Variants in MAGI2 observed in about 807,000 individuals in gnomAD.
MAGI2 encodes membrane associated guanylate kinase, WW and PDZ domain containing 2.
A neutral mutation model predicts 133.3 loss-of-function variants in MAGI2; 35 were observed. The observed-to-expected ratio is 0.26, with a 90% CI of 0.20 to 0.35. MAGI2 has a LOEUF of 0.35. Ranked by LOEUF, MAGI2 falls within the 10% of genes least tolerant of loss-of-function variation. The pLI is 1.00. For synonymous variants in MAGI2, 729 were observed against 710.6 expected (o/e 1.03, Z -0.41); for missense variants, 1,636 against 1,863.4 (o/e 0.88, Z 2.25).
intron 1 of MAGI2, among the ~76,000 whole-genome samples, chr7:79,011,924 C>CCTTCCTTCTTTCCTTT (rs1413880167): frequency 9.1e-5 from 11 of 121,284 alleles, no homozygotes; most frequent in African/African-American, 3.3e-4. Flanking sequence ...TTCCTTCCTT[C>CCTTCCTTCTTTCCTTT]CTTTCTTTCT....
chr7:78,101,558 GGATTAAA>G lies in MAGI2; in HGVS notation c.3568-22480_3568-22474del, dbSNP rs148181674. Among the ~76,000 whole-genome samples, 290 of 152,054 alleles carry G rather than the reference GGATTAAA, an allele frequency of 1.9e-3. 4 individuals are homozygous for G. In the East Asian group the frequency reaches 0.048, roughly 25 times the overall value. Reference sequence around the variant, plus strand: ...CCATACACATAAATCAACTCAAAATGGATTAAAGACTTAATTATAAAACCTGAAAATT... The same window carrying G: ...CCATACACATAAATCAACTCAAAATGGACTTAATTATAAAACCTGAAAATT... On this transcript the variant is annotated intron_variant, in intron 20 of 21. Coordinates refer to ENST00000354212, the MANE Select transcript of MAGI2 (RefSeq NM_012301.4).
intron 3 of MAGI2, among the ~76,000 whole-genome samples, chr7:78,562,551 G>A (rs560151530): frequency 1.8e-4 from 28 of 152,278 alleles, no homozygotes; most frequent in Middle Eastern, 3.4e-3. Context: ...ACAGTTGATG[G>A]TGATTTTAAG....
chr7:78,926,408 T>G (rs1799695548), intron 2 of MAGI2, among the ~76,000 whole-genome samples: 2 of 152,012 alleles, frequency 1.3e-5, no homozygotes, highest in African/African-American at 4.8e-5. Context: ...GCAGATTTGA[T>G]TCAGTGCAAA....
chr7:79,016,547 G>A (rs993986758), intron 1 of MAGI2, among the ~76,000 whole-genome samples: 1 of 152,106 alleles, frequency 6.6e-6, no homozygotes, highest in Non-Finnish European at 1.5e-5. Context: ...TCTCCCCTGA[G>A]TTGCTTTGCT....
chr7:79,422,345 G>A (rs1847024541), intron 1 of MAGI2, among the ~76,000 whole-genome samples: 1 of 151,848 alleles, frequency 6.6e-6, no homozygotes, highest in Non-Finnish European at 1.5e-5. Context: ...TAATCCAAAT[G>A]CAAATCATGA....
intron 6 of MAGI2, among the ~76,000 whole-genome samples, chr7:78,477,482 A>G (rs983336078): frequency 2.0e-5 from 3 of 151,970 alleles, no homozygotes; most frequent in African/African-American, 4.8e-5. Context: ...TATAAAGGAG[A>G]GAGGTTTAAC....
intron 6 of MAGI2, among the ~76,000 whole-genome samples, chr7:78,454,917 G>C (rs1190102642): frequency 6.6e-6 from 1 of 152,148 alleles, no homozygotes. Flanking sequence ...AGGGAGAAGG[G>C]ATGAACGGGT....
chr7:78,655,906 G>C (rs1385961667), intron 2 of MAGI2, among the ~76,000 whole-genome samples: 1 of 150,808 alleles, frequency 6.6e-6, no homozygotes, highest in Non-Finnish European at 1.5e-5. Context: ...GCCTGAACCC[G>C]GGAGGCGGAG....
At chr7:78,445,260 T>A (rs1477788347) in intron 6 of MAGI2, among the ~76,000 whole-genome samples, 1 of 152,066 alleles carries the variant, frequency 6.6e-6, no homozygotes, top group Non-Finnish European at 1.5e-5. Flanking sequence ...TTTTGATTTT[T>A]AAAAATTTTA....
chr7:79,299,464 G>A (rs977259751), intron 1 of MAGI2, among the ~76,000 whole-genome samples: 1 of 139,478 alleles, frequency 7.2e-6, no homozygotes, highest in Non-Finnish European at 1.5e-5. Context: ...GCTGAGGCAG[G>A]AGAATCGCTT....
intron 10 of MAGI2, chr7:78,253,009 T>C (rs1394407115): frequency 6.6e-6 from 1 of 151,248 alleles, no homozygotes; most frequent in Non-Finnish European, 1.5e-5. Context: ...TTAGAAAACA[T>C]TCTACTTCTT....
chr7:79,395,258 C>T (rs1181762977), intron 1 of MAGI2, among the ~76,000 whole-genome samples: 1 of 152,064 alleles, frequency 6.6e-6, no homozygotes, highest in East Asian at 1.9e-4. Flanking sequence ...TGCTGTTAAA[C>T]AGAAACCATG....
chr7:79,062,359 A>C (rs1453392507), intron 1 of MAGI2, among the ~76,000 whole-genome samples: 1 of 152,122 alleles, frequency 6.6e-6, no homozygotes, highest in Admixed American at 6.6e-5. Context: ...GGAATGTCAT[A>C]AGAAGAAAAC....
At chr7:78,854,172 G>A (rs1032433640) in intron 2 of MAGI2, among the ~76,000 whole-genome samples, 5 of 152,008 alleles carry the variant, frequency 3.3e-5, no homozygotes, top group Admixed American at 3.3e-4. Context: ...TGGAAACTAT[G>A]TATACTCTAG....
chr7:78,649,242 A>AAAAAAAAAAAAAAG (rs1554512645), intron 2 of MAGI2, among the ~76,000 whole-genome samples: 4 of 149,542 alleles, frequency 2.7e-5, no homozygotes, highest in Non-Finnish European at 5.9e-5. Context: ...AAAAGAAAAA[A>AAAAAAAAAAAAAAG]AAAGAAAAAA....
intron 9 of MAGI2, among the ~76,000 whole-genome samples, chr7:78,323,393 A>C (rs908952684): frequency 6.6e-6 from 1 of 152,188 alleles, no homozygotes; most frequent in Non-Finnish European, 1.5e-5. Flanking sequence ...TTGGCATAAA[A>C]TTCTATGTTG....
intron 7 of MAGI2, among the ~76,000 whole-genome samples, chr7:78,354,809 G>A (rs1380831168): frequency 6.6e-6 from 1 of 152,156 alleles, no homozygotes; most frequent in Admixed American, 6.5e-5. Context: ...GGGAGAAAAG[G>A]ATATATTGCT....
chr7:78,523,371 C>T (rs1796677038), intron 3 of MAGI2, among the ~76,000 whole-genome samples: 3 of 152,004 alleles, frequency 2.0e-5, no homozygotes, highest in African/African-American at 7.2e-5. Flanking sequence ...CCCATCTATT[C>T]TGGAGTCTGA....
chr7:79,265,900 CA>C (rs1418868031), intron 1 of MAGI2, among the ~76,000 whole-genome samples: 1 of 152,094 alleles, frequency 6.6e-6, no homozygotes, highest in Admixed American at 6.6e-5. Context: ...TGATTTTAAA[CA>C]GTGTTTGTTT....
Sources: gnomAD v4.1 joint callset for allele counts (sites outside exome capture counted in the v4.1 genomes callset) on GRCh38, gnomAD v4.1.1 for gene constraint, MANE v1.5 for transcripts, NCBI Gene and HGNC (gene_info 2026-07-23, HGNC 2026-07-21) for gene names.